KIAA1549L: variants seen among roughly 807,000 people sequenced by gnomAD.
KIAA1549L encodes the protein KIAA1549 like, also known as UPF0606 protein KIAA1549L.
In KIAA1549L, 88 loss-of-function variants were observed where a neutral mutation model predicts 160.7. The ratio of observed to expected loss-of-function variants is 0.55; its 90% CI spans 0.46 to 0.65. The LOEUF is 0.65. Among genes scored for constraint, KIAA1549L ranks in the 30% least tolerant of loss-of-function variants. The pLI is 0.00. For synonymous variants in KIAA1549L, 950 were observed against 976.7 expected (o/e 0.97, Z 0.51); for missense variants, 2,258 against 2,437.5 (o/e 0.93, Z 1.55).
At chr11:33,640,713 AT>A (rs1200350107) in intron 16 of KIAA1549L, among the ~76,000 whole-genome samples, 2 of 152,164 alleles carry the variant, frequency 1.3e-5, no homozygotes, top group African/African-American at 4.8e-5. Context: ...GTAGATTTTA[AT>A]TTTCTTCCTT....
In KIAA1549L at chr11:33,543,963, C is replaced by T; in HGVS notation, c.2400C>T (p.Asp800=). The change falls in exon 2 of 21, where the codon GAC becomes GAT. Residue 800 remains aspartate, a synonymous_variant. Coordinates refer to ENST00000658780, the MANE Select transcript of KIAA1549L (RefSeq NM_012194.3). ...TGACCATGGTTGGAAGCCATATAGA[C>T]CTCTGGCCCACAAGCAATAACAACC... ...SDMTMVGSHI[D]LWPTSNNNHS... 6.2e-7 allele frequency: 1 copy of T among 1,613,998 alleles called. No individual in the cohort carries two copies. Among genetic ancestry groups the T allele is most frequent in the Non-Finnish European group, 8.5e-7 (1 of 1,179,888 alleles).
At chr11:33,521,555 G>A (rs1323811671) in intron 1 of KIAA1549L, among the ~76,000 whole-genome samples, 1 of 152,204 alleles carries the variant, frequency 6.6e-6, no homozygotes, top group Non-Finnish European at 1.5e-5. Flanking sequence ...GTACTCAGCA[G>A]GCTTATTGAA....
At chr11:33,539,158 T>C (rs1385091256) in intron 1 of KIAA1549L, among the ~76,000 whole-genome samples, 2 of 151,990 alleles carry the variant, frequency 1.3e-5, no homozygotes, top group Non-Finnish European at 2.9e-5. Flanking sequence ...CATTGAGCAT[T>C]TTTTTTTAAG....
At chr11:33,385,683 TG>T (rs1194093550) in intron 1 of KIAA1549L, among the ~76,000 whole-genome samples, 1 of 152,198 alleles carries the variant, frequency 6.6e-6, no homozygotes, top group Non-Finnish European at 1.5e-5. Context: ...TTAAAAAGCC[TG>T]CTGGATTTTT....
chr11:33,465,325 A>G (rs1852033351), intron 1 of KIAA1549L, among the ~76,000 whole-genome samples: 1 of 152,022 alleles, frequency 6.6e-6, no homozygotes, highest in South Asian at 2.1e-4. Flanking sequence ...AAGTGGTGGG[A>G]TTACAGGTAT....
intron 1 of KIAA1549L, among the ~76,000 whole-genome samples, chr11:33,492,550 T>TG (rs1852702438): frequency 6.6e-6 from 1 of 152,158 alleles, no homozygotes; most frequent in African/African-American, 2.4e-5. Context: ...TTCGCACAGG[T>TG]AATAGTCCTG....
At chr11:33,378,935 G>A (rs765843718) in intron 1 of KIAA1549L, among the ~76,000 whole-genome samples, 1 of 152,242 alleles carries the variant, frequency 6.6e-6, no homozygotes, top group Non-Finnish European at 1.5e-5. Context: ...GTGGGAAGAA[G>A]TGGTGTCAAG....
intron 1 of KIAA1549L, among the ~76,000 whole-genome samples, chr11:33,410,392 C>T (rs763330181): frequency 3.3e-5 from 5 of 152,132 alleles, no homozygotes; most frequent in Non-Finnish European, 7.3e-5. Flanking sequence ...ATGTCGTGTT[C>T]CTCTTGTGTC....
intron 8 of KIAA1549L, among the ~76,000 whole-genome samples, chr11:33,563,019 C>T (rs138079823): frequency 6.6e-6 from 1 of 151,810 alleles, no homozygotes; most frequent in East Asian, 2.0e-4. Context: ...TCTCCAAATA[C>T]AGTCACGTTC....
intron 1 of KIAA1549L, among the ~76,000 whole-genome samples, chr11:33,429,041 G>A (rs201658496): frequency 6.6e-6 from 1 of 151,348 alleles, no homozygotes. Context: ...GTGCAATCTC[G>A]ACTCAGTGCA....
intron 10 of KIAA1549L, among the ~76,000 whole-genome samples, chr11:33,578,610 A>G (rs1280790671): frequency 6.6e-6 from 1 of 152,258 alleles, no homozygotes; most frequent in Non-Finnish European, 1.5e-5. Flanking sequence ...CATCATTCAC[A>G]GAATAAAATC....
chr11:33,491,736 C>A (rs1346244995), intron 1 of KIAA1549L, among the ~76,000 whole-genome samples: 1 of 152,160 alleles, frequency 6.6e-6, no homozygotes, highest in African/African-American at 2.4e-5. Context: ...GGTGTCAGTC[C>A]ACTTTGTAAA....
intron 1 of KIAA1549L, among the ~76,000 whole-genome samples, chr11:33,452,589 CAG>C (rs1189816543): frequency 6.6e-6 from 1 of 152,016 alleles, no homozygotes; most frequent in Admixed American, 6.5e-5. Context: ...GCCTGGGTGA[CAG>C]AGTGAGACTC....
intron 1 of KIAA1549L, among the ~76,000 whole-genome samples, chr11:33,475,670 T>C (rs1260246913): frequency 6.8e-6 from 1 of 147,926 alleles, no homozygotes; most frequent in Non-Finnish European, 1.5e-5. Context: ...CTGGGCAATA[T>C]AGCAAGACCC....
rs1375754148 is a variant in KIAA1549L at position 33,473,262 on chromosome 11, G to A, written c.239-68540G>A. Among the ~76,000 whole-genome samples the A allele has an allele frequency of 2.6e-5, 4 of 152,132 alleles. No individual in the cohort carries two copies. In the South Asian group the frequency reaches 6.2e-4, roughly 24 times the overall value. On this transcript the variant is annotated intron_variant, in intron 1 of 20. Transcript: ENST00000658780. ...TAGTCCCTACCTTCAAAGAGCTTCC[G>A]TCTAGTGGGAAAGGAGGAGGCAAGT...
intron 1 of KIAA1549L, among the ~76,000 whole-genome samples, chr11:33,430,546 T>C (rs928314976): frequency 6.6e-6 from 1 of 152,242 alleles, no homozygotes; most frequent in Non-Finnish European, 1.5e-5. Context: ...TACATTTAAA[T>C]ATTTTTGCAG....
intron 1 of KIAA1549L, among the ~76,000 whole-genome samples, chr11:33,536,890 C>T (rs1163941778): frequency 6.6e-6 from 1 of 152,150 alleles, no homozygotes; most frequent in Non-Finnish European, 1.5e-5. Context: ...TTGTCTCTTT[C>T]CCGTCTGTTC....
chr11:33,585,727 T>G (rs1337725702), intron 11 of KIAA1549L, among the ~76,000 whole-genome samples: 1 of 152,220 alleles, frequency 6.6e-6, no homozygotes, highest in Non-Finnish European at 1.5e-5. Flanking sequence ...CAAAATGAGT[T>G]GGGCAACACA....
chr11:33,383,584 C>T (rs1486909829), intron 1 of KIAA1549L, among the ~76,000 whole-genome samples: 3 of 152,200 alleles, frequency 2.0e-5, no homozygotes, highest in African/African-American at 7.2e-5. Flanking sequence ...GTGTCAGGCC[C>T]TCCACTAGAT....
Sources: gnomAD v4.1 joint callset for allele counts (sites outside exome capture counted in the v4.1 genomes callset) on GRCh38, gnomAD v4.1.1 for gene constraint, MANE v1.5 for transcripts, NCBI Gene and HGNC (gene_info 2026-07-23, HGNC 2026-07-21) for gene names.